Variants in SMIM41 observed in about 807,000 individuals in gnomAD.
The protein encoded by SMIM41 is small integral membrane protein 41.
At chr12:52,086,612 G>A (rs1396268155) in intron 2 of SMIM41, among the ~76,000 whole-genome samples, 4 of 152,126 alleles carry the variant, frequency 2.6e-5, no homozygotes, top group African/African-American at 9.7e-5. Flanking sequence ...GCAGCCGCAC[G>A]CCCACGCCCA....
chr12:52,102,933 C>T (rs1353883906), intron 2 of SMIM41, among the ~76,000 whole-genome samples: 1 of 152,204 alleles, frequency 6.6e-6, no homozygotes, highest in African/African-American at 2.4e-5. Flanking sequence ...TTATTCACAA[C>T]AGCCAAAATG....
chr12:52,104,437 A>T (rs184580466), intron 2 of SMIM41: 1 of 171,088 alleles, frequency 5.8e-6, no homozygotes, highest in African/African-American at 2.4e-5. Flanking sequence ...AGCCTTGAGG[A>T]TGGAGTCTGA....
chr12:52,107,694 T>C lies in SMIM41; in HGVS notation c.*511T>C. On this transcript the variant is annotated 3_prime_UTR_variant, in exon 3 of 3. Coordinates refer to ENST00000546390, the MANE Select transcript of SMIM41 (RefSeq NM_001369216.1). ...ACATGCTCCTGAGTGTGATGGCCTATGACCGGTTTGTAGCCATCTGTCACC... is the reference window on the plus strand; with the variant it reads ...ACATGCTCCTGAGTGTGATGGCCTACGACCGGTTTGTAGCCATCTGTCACC... The C allele has an allele frequency of 2.0e-6, 1 of 504,346 alleles. No homozygotes were observed. Among genetic ancestry groups the C allele is most frequent in the Non-Finnish European group, 3.9e-6 (1 of 256,668 alleles). The allele number at this position is 504,346 out of a possible 1,614,324, so 31.2% of individuals were successfully genotyped here.
rs1939791543 is a variant in SMIM41 at position 52,079,867 on chromosome 12, G to A, written c.88G>A (p.Glu30Lys). Residue 30 changes from glutamate to lysine, a missense_variant, in exon 1 of 3, where the codon GAG (glutamate) becomes AAG (lysine). Transcript: ENST00000546390. ...GTCGGCGTCGCCGCCGGAGCCCCCC[G>A]AGGGGCCGCGCGCGGTGCAGGCGGT... ...NQSASPPEPP[E>K]GPRAVQAVVL... 1 of 391,424 alleles carries A rather than the reference G, an allele frequency of 2.6e-6. No homozygotes were observed. The highest frequency in any genetic ancestry group is 2.1e-5 in the African/African-American group (1 of 48,284). 24.2% of individuals were successfully genotyped at this position (391,424 alleles called of 1,614,324 possible). A position where few individuals can be genotyped will look rare whatever the true frequency, so the allele number is the denominator to read the frequency against.
chr12:52,095,810 G>A (rs1022620554), intron 2 of SMIM41, among the ~76,000 whole-genome samples: 12 of 151,858 alleles, frequency 7.9e-5, no homozygotes, highest in African/African-American at 2.7e-4. Flanking sequence ...ATCCTCTCCC[G>A]TCCTGCATAT....
At chr12:52,082,409 G>C (rs991609222) in intron 1 of SMIM41, among the ~76,000 whole-genome samples, 1 of 152,168 alleles carries the variant, frequency 6.6e-6, no homozygotes, top group African/African-American at 2.4e-5. Context: ...TGCTGTTCCT[G>C]AGTCCAGTGC....
At chr12:52,093,792 C>T (rs1940043041) in intron 2 of SMIM41, among the ~76,000 whole-genome samples, 1 of 152,160 alleles carries the variant, frequency 6.6e-6, no homozygotes, top group African/African-American at 2.4e-5. Flanking sequence ...TGGACAGATT[C>T]TTTATTCAAT....
chr12:52,107,891 C>T lies in SMIM41; in HGVS notation c.*708C>T, dbSNP rs1406724516. 3.3e-6 allele frequency: 1 copy of T among 299,744 alleles called. No individual in the cohort carries two copies. The highest frequency in any genetic ancestry group is 2.2e-5 in the African/African-American group (1 of 45,236). 18.6% of individuals were successfully genotyped at this position (299,744 alleles called of 1,614,324 possible). On this transcript the variant is annotated 3_prime_UTR_variant, in exon 3 of 3. Coordinates refer to ENST00000546390, the MANE Select transcript of SMIM41 (RefSeq NM_001369216.1). ...TTCTTCTGTGACCTTTCTCAACTCC[C>T]CCATCTTGCCGTTGTGACACCTTCA...
At position 52,081,122 on chromosome 12, in the gene SMIM41, G is replaced by A. The variant is rs1450610430; in HGVS notation, c.*120+941G>A. Among the ~76,000 whole-genome samples, 2 of 152,166 alleles carry A rather than the reference G, an allele frequency of 1.3e-5. No homozygotes were observed. Among genetic ancestry groups the A allele is most frequent in the East Asian group, 1.9e-4 (1 of 5,196 alleles). ...GCCTGAGGACAAGGTAACTACAGGC[G>A]AAAGCCACCTGGGACAGAGCCACAG... On this transcript the variant is annotated intron_variant, in intron 1 of 2. Coordinates refer to ENST00000546390, the MANE Select transcript of SMIM41 (RefSeq NM_001369216.1). This position sits in a 1 kb window ranked among gnomAD's most constrained non-coding sequence, Gnocchi z 4.1.
At chr12:52,087,232 C>T in intron 2 of SMIM41, among the ~76,000 whole-genome samples, 1 of 152,254 alleles carries the variant, frequency 6.6e-6, no homozygotes, top group African/African-American at 2.4e-5. Flanking sequence ...CCCGCTTCCT[C>T]CTTAACTCGA....
chr12:52,099,721 G>A (rs1199449250), intron 2 of SMIM41, among the ~76,000 whole-genome samples: 1 of 151,992 alleles, frequency 6.6e-6, no homozygotes, highest in African/African-American at 2.4e-5. Flanking sequence ...CTGGATATTA[G>A]GAACAACATC....
In SMIM41 at chr12:52,089,594, CAAAAA is replaced by C. The variant is rs1348986076; in HGVS notation, c.*195+5629_*195+5633del. ...GGCAACAGAGCAAGACCCCCGCCTT[CAAAAA>C]AACAAAACAAAACAAAACAAAACAA... On this transcript the variant is annotated intron_variant, in intron 2 of 2. Transcript: ENST00000546390. 5.9e-5 allele frequency among the ~76,000 whole-genome samples: 6 copies of C among 102,220 alleles called. No individual in the cohort carries two copies. The South Asian group carries it at 1.6e-3, about 28-fold the overall frequency. The allele number at this position is 102,220 out of a possible 152,430, so 67.1% of individuals were successfully genotyped here.
intron 2 of SMIM41, among the ~76,000 whole-genome samples, chr12:52,098,734 C>CG (rs34609593): frequency 0.15 from 19,594 of 132,540 alleles, 1,621 homozygotes; most frequent in Non-Finnish European, 0.19. Flanking sequence ...AACAATATCA[C>CG]GGGGGGGGGG....
chr12:52,102,210 A>C (rs1027812518), intron 2 of SMIM41, among the ~76,000 whole-genome samples: 13 of 152,218 alleles, frequency 8.5e-5, no homozygotes, highest in African/African-American at 3.1e-4. Context: ...CCTATGTCAC[A>C]CCAGGTGCAA....
In SMIM41 at chr12:52,108,094, G is replaced by A. The variant is rs780766750; in HGVS notation, c.*911G>A. 1 of 215,256 alleles carries A rather than the reference G, an allele frequency of 4.6e-6. No homozygotes were observed. Among genetic ancestry groups the A allele is most frequent in the Non-Finnish European group, 9.3e-6 (1 of 107,528 alleles). The allele number at this position is 215,256 out of a possible 1,614,324, so 13.3% of individuals were successfully genotyped here. A position where few individuals can be genotyped will look rare whatever the true frequency, so the allele number is the denominator to read the frequency against. On this transcript the variant is annotated 3_prime_UTR_variant, in exon 3 of 3. Coordinates refer to ENST00000546390, the MANE Select transcript of SMIM41 (RefSeq NM_001369216.1). The stretch of plus-strand genomic sequence containing the variant: ...CTGTCAGTTGTTTGCTGATTTTATG[G>A]AAGAGGTGTTGGAGGGTACCTCAGT...
intron 2 of SMIM41, among the ~76,000 whole-genome samples, chr12:52,091,666 G>A (rs535858131): frequency 2.0e-5 from 3 of 152,222 alleles, no homozygotes; most frequent in African/African-American, 7.2e-5. Flanking sequence ...AAGTGGAACT[G>A]CCCCTTAAAT....
chr12:52,084,606 G>T (rs1939866531), intron 2 of SMIM41: 1 of 152,384 alleles, frequency 6.6e-6, no homozygotes, highest in Admixed American at 6.5e-5. Context: ...GCATTTACCT[G>T]GCAAGAAGAG....
intron 2 of SMIM41, among the ~76,000 whole-genome samples, chr12:52,105,596 G>GA (rs1177561092): frequency 6.6e-6 from 1 of 151,926 alleles, no homozygotes; most frequent in African/African-American, 2.4e-5. Context: ...ACTAAAAATA[G>GA]AAAAAAATTA....
Position 52,102,607 on chromosome 12 carries a change from TG to T in SMIM41, c.*196-4770del, listed in dbSNP as rs1446089096. On this transcript the variant is annotated intron_variant, in intron 2 of 2. Coordinates refer to ENST00000546390, the MANE Select transcript of SMIM41 (RefSeq NM_001369216.1). ...CATGTCCCTAAAGAAGATATAGCAA[TG>T]GCCAATAAACATCTAAAGTGATGTT... Among the ~76,000 whole-genome samples the T allele has an allele frequency of 7.9e-5, 12 of 152,228 alleles. No homozygotes were observed. In the East Asian group the frequency reaches 2.3e-3, roughly 29 times the overall value.
Sources: gnomAD v4.1 joint callset for allele counts (sites outside exome capture counted in the v4.1 genomes callset) on GRCh38, gnomAD v4.1.1 for gene constraint, Gnocchi (gnomAD v3.1) non-coding constraint, MANE v1.5 for transcripts, NCBI Gene and HGNC (gene_info 2026-07-23, HGNC 2026-07-21) for gene names.